The following ATMIN variants were observed in gnomAD, a reference collection of about 807,000 sequenced individuals.
The protein encoded by ATMIN is ATM interactor.
A neutral mutation model predicts 49.2 loss-of-function variants in ATMIN; 24 were observed. That is an observed-to-expected ratio of 0.49 (90% CI 0.35 to 0.69). ATMIN has a LOEUF of 0.69. ATMIN is among the 30% of genes least tolerant of loss of function. ATMIN has a pLI of 0.00. For missense variants in ATMIN, 1,037 were observed against 1,005.5 expected (o/e 1.03, Z -0.42); for synonymous variants, 450 against 392.5 (o/e 1.15, Z -1.73).
Position 81,044,351 on chromosome 16 carries a change from C to G in ATMIN, c.1853C>G (p.Pro618Arg). The change falls in exon 4 of 4, where the codon CCT (proline) becomes CGT (arginine). Residue 618 changes from proline (P) to arginine (R), a missense_variant. Physicochemically the swap from Pro to Arg is moderately radical, Grantham distance 103. Transcript: ENST00000299575. The stretch of plus-strand genomic sequence containing the variant: ...CGTAGTCTTTTGTCTGACACAAATC[C>G]TGGACCTGACACCCAGCTCCCATCT... ...DHRSLLSDTN[P>R]GPDTQLPSGP... The G allele has an allele frequency of 3.1e-6, 5 of 1,614,144 alleles. No individual in the cohort carries two copies. Among genetic ancestry groups the G allele is most frequent in the Non-Finnish European group, 4.2e-6 (5 of 1,180,012 alleles).
chr16:81,042,552 G>A (rs959670229), intron 3 of ATMIN, 72 bp downstream of exon 3: 2 of 1,486,880 alleles, frequency 1.3e-6, no homozygotes, highest in Non-Finnish European at 1.9e-6. Flanking sequence ...ATCCTGGAGA[G>A]CCAGTGGTGT....
Position 81,044,602 on chromosome 16 carries a change from A to G in ATMIN, c.2104A>G (p.Thr702Ala). The G allele has an allele frequency of 6.2e-7, 1 of 1,614,186 alleles. No homozygotes were observed. Among genetic ancestry groups the G allele is most frequent in the Non-Finnish European group, 8.5e-7 (1 of 1,180,038 alleles). ...CTTCTTAGGCCTTGAGATGTTTGACACACAGACACAGACAGACTTAAACTT... is the reference window on the plus strand; with the variant it reads ...CTTCTTAGGCCTTGAGATGTTTGACGCACAGACACAGACAGACTTAAACTT... Reference protein sequence around the residue: ...SNFLGLEMFDTQTQTDLNFFL... With the variant: ...SNFLGLEMFDAQTQTDLNFFL... The change falls in exon 4 of 4, where the codon ACA becomes GCA. Residue 702 changes from threonine to alanine, a missense_variant. Coordinates refer to ENST00000299575, the MANE Select transcript of ATMIN (RefSeq NM_015251.3).
chr16:81,035,875 C>G lies in ATMIN; in HGVS notation c.5C>G (p.Ala2Gly), dbSNP rs1268955722. The G allele has an allele frequency of 1.1e-6, 1 of 928,500 alleles. No homozygotes were observed. Among genetic ancestry groups the G allele is most frequent in the South Asian group, 4.8e-5 (1 of 21,032 alleles). The allele number at this position is 928,500 out of a possible 1,614,324, so 57.5% of individuals were successfully genotyped here. Residue 2 changes from alanine (A) to glycine (G), a missense_variant, in exon 1 of 4, where the codon GCG (alanine) becomes GGG (glycine). Transcript: ENST00000299575. Reference sequence around the variant, plus strand: ...CCGGGCGGCCGTGCGGGAGCCATGGCGGCCTCGGAGGCGGCGGCGGCGGCG... The same window carrying G: ...CCGGGCGGCCGTGCGGGAGCCATGGGGGCCTCGGAGGCGGCGGCGGCGGCG... M[A>G]ASEAAAAAGS...
At chr16:81,039,819 A>C (rs1971009992) in intron 1 of ATMIN, among the ~76,000 whole-genome samples, 1 of 152,140 alleles carries the variant, frequency 6.6e-6, no homozygotes, top group Non-Finnish European at 1.5e-5. Flanking sequence ...GTTTTTAATG[A>C]TTTGCCAGAA....
Position 81,043,636 on chromosome 16 carries a change from A to G in ATMIN, c.1138A>G (p.Ile380Val), listed in dbSNP as rs201996905. ...KIANPIAGEP[I>V]STGVQVNFGK... ...TGCTAATCCTATTGCTGGTGAGCCA[A>G]TAAGTACTGGTGTTCAAGTGAACTT... Residue 380 changes from isoleucine (I) to valine (V), a missense_variant, in exon 4 of 4, where the codon ATA becomes GTA. Physicochemically the swap from Ile to Val is conservative, Grantham distance 29. Coordinates refer to ENST00000299575, the MANE Select transcript of ATMIN (RefSeq NM_015251.3). 2.3e-5 allele frequency: 37 copies of G among 1,614,244 alleles called. No individual in the cohort carries two copies. In the African/African-American group the frequency reaches 2.8e-4, roughly 12 times the overall value.
At chr16:81,036,400 T>G (rs1481716656) in intron 1 of ATMIN, among the ~76,000 whole-genome samples, 194 bp downstream of exon 1, 2 of 151,720 alleles carry the variant, frequency 1.3e-5, no homozygotes, top group African/African-American at 4.8e-5. Context: ...GTGCGGCCTC[T>G]GGGGGGGAGG....
intron 1 of ATMIN, chr16:81,040,968 T>C (rs1235335059): frequency 4.6e-5 from 9 of 195,930 alleles, no homozygotes; most frequent in South Asian, 2.5e-4. Flanking sequence ...ATGAGGGAGG[T>C]TGGAAAAGAT....
Position 81,039,263 on chromosome 16 carries a change from T to C in ATMIN, c.337-2093T>C, listed in dbSNP as rs569964694. On this transcript the variant is annotated intron_variant, in intron 1 of 3. Coordinates refer to ENST00000299575, the MANE Select transcript of ATMIN (RefSeq NM_015251.3). ...TGAGTATCTTATTGGCAGGTTTTCT[T>C]ATAGTCAGTGGAAATTTTCGGTCTT... Among the ~76,000 whole-genome samples the C allele has an allele frequency of 2.6e-5, 4 of 152,328 alleles. No individual in the cohort carries two copies. The East Asian group carries it at 7.7e-4, about 29-fold the overall frequency.
chr16:81,040,988 A>G (rs1971027358), intron 1 of ATMIN: 1 of 213,752 alleles, frequency 4.7e-6, no homozygotes, highest in South Asian at 6.7e-5. Flanking sequence ...TAATGAAAGG[A>G]TTACCGAGCT....
chr16:81,044,952 C>T lies in ATMIN; in HGVS notation c.2454C>T (p.His818=). The part of the protein sequence containing the change: ...SVETQTSAEP[H]TVSNF ...AAACCCAGACTTCTGCGGAACCACA[C>T]ACAGTCTCCAACTTCTAAAACTAAC... The change falls in exon 4 of 4, where the codon CAC becomes CAT. Residue 818 remains histidine, a synonymous_variant. Transcript: ENST00000299575. 1 of 1,613,234 alleles carries T rather than the reference C, an allele frequency of 6.2e-7. No homozygotes were observed. Among genetic ancestry groups the T allele is most frequent in the African/African-American group, 1.3e-5 (1 of 75,032 alleles).
chr16:81,043,596 A>C lies in ATMIN; in HGVS notation c.1098A>C (p.Leu366=), dbSNP rs576833372. 6.2e-7 allele frequency: 1 copy of C among 1,614,156 alleles called. No individual in the cohort carries two copies. The highest frequency in any genetic ancestry group is 2.2e-5 in the East Asian group (1 of 44,878). ...AGGCTTGCTCTCTTAAGGAGAGCCT[A>C]CCTCTTTTCAAAATTGCTAATCCTA... ...DSEACSLKES[L]PLFKIANPIA... Residue 366 remains leucine, a synonymous_variant, in exon 4 of 4, where the codon CTA becomes CTC. Coordinates refer to ENST00000299575, the MANE Select transcript of ATMIN (RefSeq NM_015251.3).
rs1971137622 is a variant in ATMIN at position 81,047,266 on chromosome 16, C to T, written c.*2296C>T. 6.6e-6 allele frequency: 1 copy of T among 152,182 alleles called. No homozygotes were observed. The highest frequency in any genetic ancestry group is 1.5e-5 in the Non-Finnish European group (1 of 68,024). The allele number at this position is 152,182 out of a possible 1,614,324, so 9.4% of individuals were successfully genotyped here. On this transcript the variant is annotated 3_prime_UTR_variant, in exon 4 of 4. Transcript: ENST00000299575. ...TTTTTTGTGAATTCTTGAACGTACT[C>T]ATAAATATGACTTATTGTATTGCCT... is the stretch of plus-strand genomic sequence containing the variant.
At position 81,044,108 on chromosome 16, in the gene ATMIN, T is replaced by C. The variant is rs766903178; in HGVS notation, c.1610T>C (p.Leu537Ser). The part of the protein sequence containing the change: ...VATGNIISNS[L>S]VAETVTHSLL... ...ACAGGTAACATTATAAGCAACAGTT[T>C]AGTAGCAGAGACAGTAACTCATAGT... The change falls in exon 4 of 4, where the codon TTA (leucine) becomes TCA (serine). Residue 537 changes from leucine to serine, a missense_variant. Physicochemically the swap from Leu to Ser is moderately radical, Grantham distance 145. Transcript: ENST00000299575. 1.9e-5 allele frequency: 30 copies of C among 1,614,066 alleles called. No homozygotes were observed. The East Asian group carries it at 2.7e-4, about 14-fold the overall frequency.
chr16:81,040,969 T>C (rs1473511343), intron 1 of ATMIN: 1 of 200,740 alleles, frequency 5.0e-6, no homozygotes. Context: ...TGAGGGAGGT[T>C]GGAAAAGATA....
At chr16:81,041,695 TACAG>T (rs1448807196) in intron 2 of ATMIN, 6 of 477,106 alleles carry the variant, frequency 1.3e-5, no homozygotes, top group South Asian at 3.7e-5. Flanking sequence ...TGAGTTAAAA[TACAG>T]AGAGAGAGAG....
At chr16:81,040,978 T>G (rs986816525) in intron 1 of ATMIN, 1 of 207,492 alleles carries the variant, frequency 4.8e-6, no homozygotes, top group African/African-American at 2.4e-5. Flanking sequence ...TTGGAAAAGA[T>G]AATGAAAGGA....
intron 1 of ATMIN, 163 bp from the exon 2 acceptor site, chr16:81,041,193 T>C: frequency 3.0e-6 from 2 of 670,138 alleles, no homozygotes; most frequent in Non-Finnish European, 2.5e-6. Context: ...ACATTTCGTT[T>C]AATCTACTCA....
In ATMIN at chr16:81,044,261, T is replaced by C. The variant is rs138633197; in HGVS notation, c.1763T>C (p.Ile588Thr). 4 of 1,614,026 alleles carry C rather than the reference T, an allele frequency of 2.5e-6. No homozygotes were observed. The highest frequency in any genetic ancestry group is 3.4e-6 in the Non-Finnish European group (4 of 1,179,962). ...QNMTDNQTQT[I>T]DLLSDLENIL... ...ATGACAGATAATCAGACCCAAACCA[T>C]AGATTTATTAAGTGATTTGGAAAAC... is the stretch of plus-strand genomic sequence containing the variant. Residue 588 changes from isoleucine to threonine, a missense_variant, in exon 4 of 4, where the codon ATA becomes ACA. Coordinates refer to ENST00000299575, the MANE Select transcript of ATMIN (RefSeq NM_015251.3).
Position 81,044,102 on chromosome 16 carries a change from A to G in ATMIN, c.1604A>G (p.Asn535Ser), listed in dbSNP as rs751121144. 2 of 1,614,216 alleles carry G rather than the reference A, an allele frequency of 1.2e-6. No individual in the cohort carries two copies. Among genetic ancestry groups the G allele is most frequent in the South Asian group, 1.1e-5 (1 of 91,086 alleles). Residue 535 changes from asparagine (N) to serine (S), a missense_variant, in exon 4 of 4, where the codon AAC becomes AGC. By Grantham distance (46) the Asn-to-Ser change is conservative. Coordinates refer to ENST00000299575, the MANE Select transcript of ATMIN (RefSeq NM_015251.3). The stretch of plus-strand genomic sequence containing the variant: ...GTTGCTACAGGTAACATTATAAGCA[A>G]CAGTTTAGTAGCAGAGACAGTAACT... ...YNVATGNIISNSLVAETVTHS... is the reference protein window; with the variant it reads ...YNVATGNIISSSLVAETVTHS...
Sources: gnomAD v4.1 joint callset for allele counts (sites outside exome capture counted in the v4.1 genomes callset) on GRCh38, gnomAD v4.1.1 for gene constraint, MANE v1.5 for transcripts, NCBI Gene and HGNC (gene_info 2026-07-23, HGNC 2026-07-21) for gene names.